The following SYN3 variants were observed in gnomAD, a reference collection of about 807,000 sequenced individuals.
SYN3 encodes the protein synapsin III, also known as synapsin-3.
SYN3 carries 35 observed loss-of-function variants against 65.8 expected under a neutral mutation model. That is an observed-to-expected ratio of 0.53 (90% CI 0.41 to 0.70). The LOEUF (loss-of-function observed/expected upper bound fraction) is 0.70, where lower values mean the gene tolerates loss of function less well. Ranked by LOEUF, SYN3 falls within the 30% of genes least tolerant of loss-of-function variation. SYN3 has a pLI of 0.00. For synonymous variants in SYN3, 270 were observed against 292.9 expected (o/e 0.92, Z 0.80); for missense variants, 680 against 749.0 (o/e 0.91, Z 1.08).
intron 6 of SYN3, among the ~76,000 whole-genome samples, chr22:32,747,959 C>T (rs1360349888): frequency 6.6e-6 from 1 of 152,234 alleles, no homozygotes; most frequent in Non-Finnish European, 1.5e-5. Flanking sequence ...AAACAGAAGC[C>T]TTGCTCTTGG....
chr22:32,554,920 A>G (rs939363429), intron 7 of SYN3, among the ~76,000 whole-genome samples: 1 of 152,236 alleles, frequency 6.6e-6, no homozygotes, highest in Non-Finnish European at 1.5e-5. Flanking sequence ...CGAAATGTGG[A>G]TAACTTGAAT....
Position 32,509,644 on chromosome 22 carries a change from C to A in SYN3, c.*4048G>T, listed in dbSNP as rs1480309378. ...AGTGCAGTGGTGCGATCTCGGCTCA[C>A]TGCAAGCTCCGCCTCCCGGGTTCAC... On this transcript the variant is annotated 3_prime_UTR_variant, in exon 14 of 14. Transcript: ENST00000358763. Among the ~76,000 whole-genome samples, 2 of 152,090 alleles carry A rather than the reference C, an allele frequency of 1.3e-5. No individual in the cohort carries two copies. The highest frequency in any genetic ancestry group is 4.8e-5 in the African/African-American group (2 of 41,424).
intron 6 of SYN3, among the ~76,000 whole-genome samples, chr22:32,641,227 C>T (rs1294121233): frequency 6.6e-6 from 1 of 152,168 alleles, no homozygotes; most frequent in Non-Finnish European, 1.5e-5. Flanking sequence ...GTGGAGCTCA[C>T]GTGTTCAGAA....
At chr22:32,696,359 A>G (rs955812684) in intron 6 of SYN3, among the ~76,000 whole-genome samples, 4 of 152,204 alleles carry the variant, frequency 2.6e-5, no homozygotes, top group Admixed American at 2.0e-4. Context: ...TGCCTGGGCA[A>G]TTGTTCCTTA....
chr22:32,556,606 C>T (rs1601626631), intron 7 of SYN3, among the ~76,000 whole-genome samples: 1 of 151,882 alleles, frequency 6.6e-6, no homozygotes, highest in Admixed American at 6.6e-5. Flanking sequence ...GAACTGGAGC[C>T]CTAATGTGAT....
At chr22:32,625,014 A>C (rs2059645872) in intron 6 of SYN3, among the ~76,000 whole-genome samples, 1 of 152,184 alleles carries the variant, frequency 6.6e-6, no homozygotes, top group Admixed American at 6.5e-5. Flanking sequence ...AAGACATTCT[A>C]AACCTTCTCC....
chr22:32,886,261 T>C (rs1302135892), intron 4 of SYN3, among the ~76,000 whole-genome samples: 3 of 152,196 alleles, frequency 2.0e-5, no homozygotes, highest in Non-Finnish European at 4.4e-5. Flanking sequence ...TCAGAACACA[T>C]AAGCTTGAGA....
At chr22:32,686,927 T>A (rs2060598381) in intron 6 of SYN3, among the ~76,000 whole-genome samples, 1 of 151,890 alleles carries the variant, frequency 6.6e-6, no homozygotes, top group South Asian at 2.1e-4. Flanking sequence ...TGTTATGAAA[T>A]GCCTTATCCA....
intron 1 of SYN3, among the ~76,000 whole-genome samples, chr22:33,018,804 A>T (rs2053514299): frequency 6.6e-6 from 1 of 152,116 alleles, no homozygotes; most frequent in Non-Finnish European, 1.5e-5. Context: ...TGGGTTCCCC[A>T]CTTCCGGAAC....
intron 6 of SYN3, among the ~76,000 whole-genome samples, chr22:32,853,262 G>A (rs2048273164): frequency 6.6e-6 from 1 of 152,168 alleles, no homozygotes; most frequent in South Asian, 2.1e-4. Flanking sequence ...TACATTCTCT[G>A]CCTGTCCTGC....
chr22:33,056,861 T>A (rs548888755), intron 1 of SYN3, among the ~76,000 whole-genome samples: 4 of 152,316 alleles, frequency 2.6e-5, no homozygotes, highest in Non-Finnish European at 5.9e-5. Flanking sequence ...TGGCTGAGAC[T>A]GGATCTCTGT....
chr22:32,980,571 A>G (rs2052340991), intron 3 of SYN3, 74 bp downstream of exon 3: 1 of 1,382,090 alleles, frequency 7.2e-7, no homozygotes, highest in East Asian at 2.3e-5. Flanking sequence ...GATGGGGACC[A>G]AGATTGCATG....
chr22:33,007,755 G>A (rs1340769985), intron 1 of SYN3, among the ~76,000 whole-genome samples: 1 of 152,244 alleles, frequency 6.6e-6, no homozygotes, highest in Non-Finnish European at 1.5e-5. Context: ...AACTCACCCA[G>A]CCTATGGTAT....
At chr22:32,661,958 T>G (rs1192723321) in intron 6 of SYN3, among the ~76,000 whole-genome samples, 1 of 152,184 alleles carries the variant, frequency 6.6e-6, no homozygotes, top group African/African-American at 2.4e-5. Flanking sequence ...GATAATTTTT[T>G]TCCATGGAAT....
intron 2 of SYN3, among the ~76,000 whole-genome samples, chr22:33,003,759 G>A (rs777337650): frequency 6.6e-6 from 1 of 152,220 alleles, no homozygotes; most frequent in African/African-American, 2.4e-5. Context: ...AAGTAACAAG[G>A]AGCCGAATGT....
intron 6 of SYN3, among the ~76,000 whole-genome samples, chr22:32,823,837 C>G (rs977275578): frequency 6.6e-6 from 1 of 152,114 alleles, no homozygotes; most frequent in African/African-American, 2.4e-5. Context: ...AGCCCCATGT[C>G]CACTCCTATA....
intron 6 of SYN3, chr22:32,859,532 G>A: frequency 1.0e-6 from 1 of 975,396 alleles, no homozygotes; most frequent in Non-Finnish European, 1.5e-6. Context: ...GTCATATGGG[G>A]TTTATTGGGA....
At chr22:32,604,737 G>T (rs2059343422) in intron 6 of SYN3, among the ~76,000 whole-genome samples, 1 of 152,156 alleles carries the variant, frequency 6.6e-6, no homozygotes, top group African/African-American at 2.4e-5. Context: ...TGGGCGCGGT[G>T]GCTCACGCCT....
intron 6 of SYN3, among the ~76,000 whole-genome samples, chr22:32,615,633 T>C (rs1032794181): frequency 1.3e-5 from 2 of 151,900 alleles, no homozygotes; most frequent in African/African-American, 4.8e-5. Flanking sequence ...CTTTGAGGGA[T>C]AGCACGCTCT....
Sources: gnomAD v4.1 joint callset for allele counts (sites outside exome capture counted in the v4.1 genomes callset) on GRCh38, gnomAD v4.1.1 for gene constraint, MANE v1.5 for transcripts, NCBI Gene and HGNC (gene_info 2026-07-23, HGNC 2026-07-21) for gene names.